The following SLC30A8 variants were observed in gnomAD, a reference collection of about 807,000 sequenced individuals.
SLC30A8 encodes solute carrier family 30 member 8.
A neutral mutation model predicts 36.9 loss-of-function variants in SLC30A8; 27 were observed. That is an observed-to-expected ratio of 0.73 (90% confidence interval 0.54 to 1.01). SLC30A8 has a LOEUF of 1.01. Ranked by LOEUF, SLC30A8 falls within the 50% of genes least tolerant of loss-of-function variation. The pLI, the probability that SLC30A8 is intolerant of heterozygous loss-of-function variation, is 0.00. For synonymous variants in SLC30A8, 164 were observed against 172.4 expected, an observed-to-expected ratio of 0.95 and a Z score of 0.38; for missense variants, 439 against 452.0, an observed-to-expected ratio of 0.97 and a Z score of 0.26.
intron 1 of SLC30A8, among the ~76,000 whole-genome samples, chr8:116,966,058 A>G (rs964837439): frequency 9.2e-5 from 14 of 151,716 alleles, no homozygotes; most frequent in Non-Finnish European, 1.8e-4. Context: ...TAATTTTTGT[A>G]TTTTTAGTAG....
At chr8:117,082,046 A>G (rs1400142474) in intron 2 of SLC30A8, among the ~76,000 whole-genome samples, 1 of 152,218 alleles carries the variant, frequency 6.6e-6, no homozygotes, top group Non-Finnish European at 1.5e-5. Context: ...AGTCCCTGAG[A>G]TAGAATAAGT....
At chr8:117,104,830 C>A (rs1421390483) in intron 2 of SLC30A8, among the ~76,000 whole-genome samples, 1 of 152,120 alleles carries the variant, frequency 6.6e-6, no homozygotes, top group Non-Finnish European at 1.5e-5. Context: ...TGTGTGGACT[C>A]CTCATGAGTT....
intron 1 of SLC30A8, among the ~76,000 whole-genome samples, chr8:116,958,984 G>A (rs112225721): frequency 0.027 from 4,125 of 150,846 alleles, 174 homozygotes; most frequent in African/African-American, 0.094. Context: ...CGAGTAGCTG[G>A]GACTACAGGC....
At chr8:117,059,093 C>CA in intron 2 of SLC30A8, among the ~76,000 whole-genome samples, 1 of 152,258 alleles carries the variant, frequency 6.6e-6, no homozygotes, top group East Asian at 1.9e-4. Context: ...ATATTGAAGT[C>CA]ACGTTTATGG....
At chr8:117,104,094 T>C in intron 2 of SLC30A8, among the ~76,000 whole-genome samples, 2 of 152,180 alleles carry the variant, frequency 1.3e-5, no homozygotes, top group South Asian at 2.1e-4. Flanking sequence ...ATAAGTCATA[T>C]GCCTAATCTC....
chr8:117,155,941 T>C (rs1160371066), intron 3 of SLC30A8, among the ~76,000 whole-genome samples: 3 of 152,188 alleles, frequency 2.0e-5, no homozygotes, highest in African/African-American at 7.2e-5. Context: ...ACACCAGCCA[T>C]ATTGGGCCCA....
intron 2 of SLC30A8, among the ~76,000 whole-genome samples, chr8:117,074,861 GT>G (rs915049233): frequency 6.6e-6 from 1 of 151,854 alleles, no homozygotes; most frequent in African/African-American, 2.4e-5. Flanking sequence ...GCTTGATTCT[GT>G]TTTTTTCTCT....
At chr8:117,079,946 A>G (rs555042788) in intron 2 of SLC30A8, among the ~76,000 whole-genome samples, 34 of 152,168 alleles carry the variant, frequency 2.2e-4, no homozygotes, top group Non-Finnish European at 4.4e-4. Context: ...AAATATCTCT[A>G]ATTACTTTGG....
At chr8:117,100,497 C>G (rs1819662105) in intron 2 of SLC30A8, among the ~76,000 whole-genome samples, 1 of 152,150 alleles carries the variant, frequency 6.6e-6, no homozygotes, top group Non-Finnish European at 1.5e-5. Context: ...ATGCTTTCCC[C>G]CGCTGTACAA....
chr8:117,092,128 A>G (rs1399659606), intron 2 of SLC30A8, among the ~76,000 whole-genome samples: 1 of 152,220 alleles, frequency 6.6e-6, no homozygotes, highest in Non-Finnish European at 1.5e-5. Context: ...AACTGTAACA[A>G]GGAGTGACAT....
chr8:117,167,983 A>G (rs1369958248), intron 6 of SLC30A8, among the ~76,000 whole-genome samples: 2 of 152,162 alleles, frequency 1.3e-5, no homozygotes, highest in African/African-American at 4.8e-5. Flanking sequence ...CACTCCTTAC[A>G]TAGCAGCAGG....
At chr8:116,978,215 A>G (rs1423719533) in intron 1 of SLC30A8, among the ~76,000 whole-genome samples, 1 of 152,094 alleles carries the variant, frequency 6.6e-6, no homozygotes, top group African/African-American at 2.4e-5. Context: ...TTAGCCTGGT[A>G]CCTTGCATAT....
chr8:116,960,142 A>T (rs1391540688), intron 1 of SLC30A8, among the ~76,000 whole-genome samples: 2 of 152,122 alleles, frequency 1.3e-5, no homozygotes, highest in African/African-American at 4.8e-5. Context: ...TTTATTTCAT[A>T]TATTTTGTCT....
At chr8:116,960,563 A>C (rs544887704) in intron 1 of SLC30A8, among the ~76,000 whole-genome samples, 1 of 152,226 alleles carries the variant, frequency 6.6e-6, no homozygotes, top group African/African-American at 2.4e-5. Flanking sequence ...ACCCCAGTCC[A>C]TAGACTTGTC....
chr8:117,130,159 C>T (rs150714900), upstream of SLC30A8: 7 of 152,048 alleles, frequency 4.6e-5, no homozygotes, highest in East Asian at 2.0e-4. Context: ...TTAGTTGTAA[C>T]GCCTTGTGGT....
intron 3 of SLC30A8, among the ~76,000 whole-genome samples, chr8:117,155,232 G>A (rs1411960588): frequency 6.6e-6 from 1 of 152,122 alleles, no homozygotes; most frequent in Non-Finnish European, 1.5e-5. Flanking sequence ...CTTAAGATCT[G>A]ACTCCTGACT....
At chr8:116,966,372 C>A (rs554940444) in intron 1 of SLC30A8, among the ~76,000 whole-genome samples, 1 of 152,096 alleles carries the variant, frequency 6.6e-6, no homozygotes, top group Non-Finnish European at 1.5e-5. Context: ...TCTTGCTACT[C>A]CCTTTTCAGT....
intron 2 of SLC30A8, among the ~76,000 whole-genome samples, chr8:117,069,297 GTGT>G (rs955352489): frequency 1.3e-5 from 2 of 152,152 alleles, no homozygotes; most frequent in African/African-American, 4.8e-5. Context: ...GTATATCGTG[GTGT>G]TCCAAAATTT....
intron 1 of SLC30A8, among the ~76,000 whole-genome samples, chr8:116,966,123 A>G (rs1468830660): frequency 1.3e-5 from 2 of 152,106 alleles, no homozygotes; most frequent in African/African-American, 2.4e-5. Flanking sequence ...ACCTCAGGCA[A>G]TTCGCCCGTC....
Sources: gnomAD v4.1 joint callset for allele counts (sites outside exome capture counted in the v4.1 genomes callset) on GRCh38, gnomAD v4.1.1 for gene constraint, MANE v1.5 for transcripts, NCBI Gene and HGNC (gene_info 2026-07-23, HGNC 2026-07-21) for gene names.